The following ZFHX3 variants were observed in gnomAD, a reference collection of about 807,000 sequenced individuals.
The protein encoded by ZFHX3 is zinc finger homeobox protein 3.
A neutral mutation model predicts 279.1 loss-of-function variants in ZFHX3; 42 were observed. The ratio of observed to expected loss-of-function variants is 0.15; its 90% confidence interval spans 0.12 to 0.19. The LOEUF (loss-of-function observed/expected upper bound fraction) is 0.19. Ranked by LOEUF, ZFHX3 falls within the 10% of genes least tolerant of loss-of-function variation. The probability of loss-of-function intolerance (pLI) is 1.00; values close to 1 mark genes in which losing one functional copy is unlikely to be tolerated. For synonymous variants in ZFHX3, 2,293 were observed against 1,957.8 expected (o/e 1.17, Z -4.52); for missense variants, 4,981 against 4,754.0 (o/e 1.05, Z -1.40).
chr16:72,813,073 T>TG (rs2036508223), intron 5 of ZFHX3, among the ~76,000 whole-genome samples: 1 of 152,214 alleles, frequency 6.6e-6, no homozygotes, highest in African/African-American at 2.4e-5. Flanking sequence ...AAACACAGTA[T>TG]GGTTGGATCT....
chr16:72,859,646 C>T (rs1462361737), intron 4 of ZFHX3, among the ~76,000 whole-genome samples: 1 of 152,216 alleles, frequency 6.6e-6, no homozygotes, highest in Non-Finnish European at 1.5e-5. Flanking sequence ...CAGGCTAAAA[C>T]TCATTGGCCC....
intron 1 of ZFHX3, among the ~76,000 whole-genome samples, chr16:73,731,665 G>GCAGAC (rs2053570991): frequency 6.6e-6 from 1 of 151,910 alleles, no homozygotes; most frequent in Non-Finnish European, 1.5e-5. Context: ...AACCCATTCT[G>GCAGAC]AACTCCTTAA....
rs1379514313 is a variant in ZFHX3, at chr16:72,966,472, G to C, written c.-49-6278C>G. Among the ~76,000 whole-genome samples the C allele has an allele frequency of 2.0e-5, 3 of 152,314 alleles. No individual in the cohort carries two copies. The East Asian group carries it at 5.8e-4, about 29-fold the overall frequency. On this transcript the variant is annotated intron_variant, in intron 1 of 9. Coordinates refer to ENST00000268489, the MANE Select transcript of ZFHX3 (RefSeq NM_006885.4). ...ACAAACTCAGAGGAAGCCCGAAGTT[G>C]GCATGGTGGCCAAAGACCATAATGG...
At chr16:73,541,305 C>T (rs749805747) in intron 2 of ZFHX3, among the ~76,000 whole-genome samples, 1 of 151,904 alleles carries the variant, frequency 6.6e-6, no homozygotes, top group African/African-American at 2.4e-5. Context: ...AGCAACATAG[C>T]GAGACCTCAT....
At chr16:73,444,341 A>T (rs928020289) in intron 3 of ZFHX3, among the ~76,000 whole-genome samples, 1 of 152,184 alleles carries the variant, frequency 6.6e-6, no homozygotes, top group Non-Finnish European at 1.5e-5. Context: ...ACTGTGCAAA[A>T]CAGCTGATCA....
chr16:73,302,981 TA>T (rs2015092261), intron 4 of ZFHX3, among the ~76,000 whole-genome samples: 1 of 152,028 alleles, frequency 6.6e-6, no homozygotes. Flanking sequence ...TGCAAATGAT[TA>T]GGGGACTCTC....
chr16:73,688,297 C>T (rs1190719710), intron 1 of ZFHX3, among the ~76,000 whole-genome samples: 3 of 145,676 alleles, frequency 2.1e-5, no homozygotes, highest in African/African-American at 7.6e-5. Flanking sequence ...GCAGAGGTTG[C>T]AGTGAGCTGA....
chr16:73,623,507 T>C (rs2052387854), intron 2 of ZFHX3, among the ~76,000 whole-genome samples: 1 of 152,184 alleles, frequency 6.6e-6, no homozygotes, highest in Non-Finnish European at 1.5e-5. Flanking sequence ...CAGGCAAGTA[T>C]TGATGTTGTA....
intron 2 of ZFHX3, among the ~76,000 whole-genome samples, chr16:73,484,206 T>C (rs187403064): frequency 2.0e-5 from 3 of 152,186 alleles, no homozygotes; most frequent in Non-Finnish European, 4.4e-5. Context: ...AAGAAAACGC[T>C]CTTTCCACGA....
At chr16:73,672,170 C>T (rs2052910329) in intron 2 of ZFHX3, among the ~76,000 whole-genome samples, 1 of 152,112 alleles carries the variant, frequency 6.6e-6, no homozygotes, top group Non-Finnish European at 1.5e-5. Context: ...AAAACACCAT[C>T]TATTATATAA....
chr16:73,637,318 G>C (rs981649093), intron 2 of ZFHX3, among the ~76,000 whole-genome samples: 1 of 144,236 alleles, frequency 6.9e-6, no homozygotes, highest in Admixed American at 7.4e-5. Context: ...TACAACCTCT[G>C]CCTCCCAGAT....
rs372102852 is a variant in ZFHX3 at position 72,945,674 on chromosome 16, A to C, written c.3216+4795T>G. ...GAAGTATGTACTTAAAACAAACAAAAAAAATAGTCTAATAATGAGAAAACA... is the reference window on the plus strand; with the variant it reads ...GAAGTATGTACTTAAAACAAACAAACAAAATAGTCTAATAATGAGAAAACA... On this transcript the variant is annotated intron_variant, in intron 3 of 9. Coordinates refer to ENST00000268489, the MANE Select transcript of ZFHX3 (RefSeq NM_006885.4). 9.9e-5 allele frequency among the ~76,000 whole-genome samples: 15 copies of C among 152,248 alleles called. No individual in the cohort carries two copies. In the South Asian group the frequency reaches 2.9e-3, roughly 29 times the overall value.
intron 4 of ZFHX3, among the ~76,000 whole-genome samples, chr16:72,871,444 C>A (rs1219334363): frequency 6.6e-6 from 1 of 151,888 alleles, no homozygotes; most frequent in East Asian, 2.0e-4. Context: ...CTGGTTCAAG[C>A]AATTTTCCTG....
chr16:73,195,729 A>C (rs990475537), intron 5 of ZFHX3, among the ~76,000 whole-genome samples: 4 of 152,070 alleles, frequency 2.6e-5, no homozygotes, highest in African/African-American at 9.7e-5. Context: ...TGTCTTTACT[A>C]TTATATCCAA....
chr16:73,342,519 C>T (rs994459046), intron 3 of ZFHX3, among the ~76,000 whole-genome samples: 3 of 151,956 alleles, frequency 2.0e-5, no homozygotes, highest in African/African-American at 7.3e-5. Context: ...CTCCAGGAGT[C>T]GATGAGGAAT....
At position 73,366,432 on chromosome 16, in the gene ZFHX3, T is replaced by G. The variant is rs116032392; in HGVS notation, c.-1290-48096A>C. Among the ~76,000 whole-genome samples the G allele has an allele frequency of 8.7e-3, 1,325 of 151,900 alleles. 16 individuals are homozygous for G. Among genetic ancestry groups the G allele is most frequent in the African/African-American group, 0.03 (1,255 of 41,442 alleles). On this transcript the variant is annotated intron_variant, in intron 3 of 17. Transcript: ENST00000641206. ...TCCTAAGTGGAAAAAAACAAATAGA[T>G]GAAAAGAGAAAGACAGGGGCTGGGC...
chr16:73,019,429 C>A (rs1489965404), intron 1 of ZFHX3, among the ~76,000 whole-genome samples: 1 of 152,130 alleles, frequency 6.6e-6, no homozygotes, highest in Non-Finnish European at 1.5e-5. Flanking sequence ...GGTTTACAGG[C>A]CACCACAACC....
At chr16:73,729,465 G>A (rs1356540998) in intron 1 of ZFHX3, among the ~76,000 whole-genome samples, 1 of 152,010 alleles carries the variant, frequency 6.6e-6, no homozygotes, top group African/African-American at 2.4e-5. Context: ...GGCGGCAGAG[G>A]CTGTAGTGAG....
intron 2 of ZFHX3, among the ~76,000 whole-genome samples, chr16:73,610,521 T>A (rs963008861): frequency 6.6e-6 from 1 of 152,190 alleles, no homozygotes; most frequent in Non-Finnish European, 1.5e-5. Context: ...CCAAGGCACC[T>A]TTTTGTTATT....
Sources: gnomAD v4.1 joint callset for allele counts (sites outside exome capture counted in the v4.1 genomes callset) on GRCh38, gnomAD v4.1.1 for gene constraint, MANE v1.5 for transcripts, NCBI Gene and HGNC (gene_info 2026-07-23, HGNC 2026-07-21) for gene names.